Variants in RPLP0 observed in about 807,000 individuals in gnomAD.
RPLP0 encodes the protein large ribosomal subunit protein uL10.
For synonymous variants in RPLP0, 137 were observed against 153.4 expected, an observed-to-expected ratio of 0.89 and a Z score of 0.79; for missense variants, 276 against 402.9, an observed-to-expected ratio of 0.69 and a Z score of 2.70.
intron 7 of RPLP0, 175 bp from the exon 8 acceptor site, chr12:120,197,109 A>G: frequency 8.5e-7 from 1 of 1,171,680 alleles, no homozygotes; most frequent in Non-Finnish European, 1.2e-6. Flanking sequence ...CAGGGTTCCT[A>G]AGGCCCAGCT....
chr12:120,196,977 C>T (rs776026910), intron 7 of RPLP0, 43 bp from the exon 8 acceptor site: 24 of 1,608,752 alleles, frequency 1.5e-5, no homozygotes, highest in Non-Finnish European at 2.0e-5. Context: ...ATCCACACTC[C>T]TCTATTACCC....
At chr12:120,201,004 C>T (rs1161449138) in intron 1 of RPLP0, 79 bp downstream of exon 1, 4 of 678,376 alleles carry the variant, frequency 5.9e-6, no homozygotes, top group African/African-American at 1.9e-5. Context: ...AATAGGACTC[C>T]ATGTTCCCAA....
At chr12:120,197,041 G>A in intron 7 of RPLP0, 107 bp from the exon 8 acceptor site, 1 of 1,556,730 alleles carries the variant, frequency 6.4e-7, no homozygotes, top group Non-Finnish European at 8.7e-7. Context: ...AAGTCCGTGT[G>A]AAGCCTTTCC....
In RPLP0 at chr12:120,197,350, G is replaced by A. The variant is rs746342849; in HGVS notation, c.764C>T (p.Thr255Met). The change falls in exon 7 of 8, where the codon ACG becomes ATG. Residue 255 changes from threonine (T) to methionine (M), a missense_variant. Coordinates refer to ENST00000392514, the MANE Select transcript of RPLP0 (RefSeq NM_001002.4). The part of the protein sequence containing the change: ...YKRVLALSVE[T>M]DYTFPLAEKV... ...TTCAGCAAGTGGGAAGGTGTAATCC[G>A]TCTCCACAGACAAGGCCAGGACTCG... is the stretch of plus-strand genomic sequence containing the variant. 26 of 1,613,700 alleles carry A rather than the reference G, an allele frequency of 1.6e-5. No individual in the cohort carries two copies. The highest frequency in any genetic ancestry group is 1.6e-4 in the Middle Eastern group (1 of 6,072).
chr12:120,199,954 G>C, intron 2 of RPLP0: 1 of 447,304 alleles, frequency 2.2e-6, no homozygotes, highest in South Asian at 1.6e-5. Context: ...AACCTTCTAA[G>C]TGTGGGAAAA....
In RPLP0 at chr12:120,197,464, TG is replaced by T. The variant is rs775276427; in HGVS notation, c.652-3del. The T allele has an allele frequency of 1.2e-6, 2 of 1,613,748 alleles. No homozygotes were observed. Among genetic ancestry groups the T allele is most frequent in the Non-Finnish European group, 1.7e-6 (2 of 1,179,770 alleles). ...GACACTGGCAACATTGCGGACACCCTGGGGGAGGGAAGATTTCATTTTACGT... is the reference window on the plus strand; with the variant it reads ...GACACTGGCAACATTGCGGACACCCTGGGGAGGGAAGATTTCATTTTACGT... On this transcript the variant is annotated splice_polypyrimidine_tract_variant and splice_region_variant and intron_variant, in intron 6 of 7. Transcript: ENST00000392514.
At chr12:120,197,245 C>T in intron 7 of RPLP0, 77 bp downstream of exon 7, 1 of 1,315,986 alleles carries the variant, frequency 7.6e-7, no homozygotes, top group Non-Finnish European at 1.1e-6. Flanking sequence ...ACTATAAAAG[C>T]AGTAAGGTAG....
chr12:120,198,538 G>A lies in RPLP0; in HGVS notation c.651+16C>T. On this transcript the variant is annotated intron_variant, in intron 6 of 7. Coordinates refer to ENST00000392514, the MANE Select transcript of RPLP0 (RefSeq NM_001002.4). The surrounding 1 kb of genome is among the most constrained non-coding windows in gnomAD (Gnocchi z 4.1). ...CAACCATCAGTGTAAGAGGGGGCAA[G>A]GCTGACAGCATATACCTCCAGGAAG... 6.2e-7 allele frequency: 1 copy of A among 1,614,090 alleles called. No individual in the cohort carries two copies. Among genetic ancestry groups the A allele is most frequent in the Non-Finnish European group, 8.5e-7 (1 of 1,179,970 alleles).
At chr12:120,199,636 C>T in intron 2 of RPLP0, 151 bp from the exon 3 acceptor site, 2 of 708,014 alleles carry the variant, frequency 2.8e-6, no homozygotes, top group Non-Finnish European at 4.6e-6. Context: ...CGTTGTAACA[C>T]TGCCAAACTG....
chr12:120,199,500 C>T lies in RPLP0; in HGVS notation c.55-15G>A. On this transcript the variant is annotated splice_polypyrimidine_tract_variant and intron_variant, in intron 2 of 7. Transcript: ENST00000392514. ...TCCAATAGTTGCTACAAAAAACAAGCCAGAGGAGCCAAGTTTAACAGGAAG... is the reference window on the plus strand; with the variant it reads ...TCCAATAGTTGCTACAAAAAACAAGTCAGAGGAGCCAAGTTTAACAGGAAG... 1 of 1,610,386 alleles carries T rather than the reference C, an allele frequency of 6.2e-7. No homozygotes were observed. Among genetic ancestry groups the T allele is most frequent in the Non-Finnish European group, 8.5e-7 (1 of 1,178,296 alleles).
In RPLP0 at chr12:120,198,572, C is replaced by T. The variant is rs1304976241; in HGVS notation, c.633G>A (p.Leu211=). ...PEVLDITEET[L]HSRFLEGVRN... ...CATATACCTCCAGGAAGCGAGAATGCAGAGTTTCCTCTGTGATATCAAGCA... is the reference window on the plus strand; with the variant it reads ...CATATACCTCCAGGAAGCGAGAATGTAGAGTTTCCTCTGTGATATCAAGCA... Residue 211 remains leucine, a synonymous_variant, in exon 6 of 8, where the codon CTG becomes CTA. Coordinates refer to ENST00000392514, the MANE Select transcript of RPLP0 (RefSeq NM_001002.4). The surrounding 1 kb of genome is among the most constrained non-coding windows in gnomAD (Gnocchi z 4.1). The T allele has an allele frequency of 6.2e-7, 1 of 1,613,984 alleles. No homozygotes were observed. Among genetic ancestry groups the T allele is most frequent in the African/African-American group, 1.3e-5 (1 of 74,904 alleles).
rs528352633 is a variant in RPLP0 at position 120,198,006 on chromosome 12, G to C, written c.652-544C>G. Among the ~76,000 whole-genome samples the C allele has an allele frequency of 5.9e-5, 9 of 151,770 alleles. No individual in the cohort carries two copies. The South Asian group carries it at 1.9e-3, about 32-fold the overall frequency. On this transcript the variant is annotated intron_variant, in intron 6 of 7. Coordinates refer to ENST00000392514, the MANE Select transcript of RPLP0 (RefSeq NM_001002.4). The surrounding 1 kb of genome is among the most constrained non-coding windows in gnomAD (Gnocchi z 4.1). ...TGCAGTGGCACCATGTCAGCTCACCGCAACCTCCACCTCTTAAAAGGCTTT... is the reference window on the plus strand; with the variant it reads ...TGCAGTGGCACCATGTCAGCTCACCCCAACCTCCACCTCTTAAAAGGCTTT...
chr12:120,199,975 G>A (rs1594299907), intron 2 of RPLP0: 1 of 454,194 alleles, frequency 2.2e-6, no homozygotes, highest in Non-Finnish European at 4.4e-6. Flanking sequence ...TGTAATACAA[G>A]CTATGCTCTA....
Position 120,196,889 on chromosome 12 carries a change from G to C in RPLP0, c.838C>G (p.Pro280Ala), listed in dbSNP as rs760014664. The C allele has an allele frequency of 3.1e-6, 5 of 1,610,150 alleles. No individual in the cohort carries two copies. The highest frequency in any genetic ancestry group is 3.3e-5 in the Admixed American group (2 of 60,002). The change falls in exon 8 of 8, where the codon CCT becomes GCT. Residue 280 changes from proline to alanine, a missense_variant. Pro to Ala is a conservative substitution (Grantham distance 27). Transcript: ENST00000392514. ...ADPSAFVAAA[P>A]VAAATTAAPA... ...GCAGCTGTGGTGGCAGCAGCCACAG[G>C]GGCAGCAGCCACAAAGGCAGATGGA...
At chr12:120,201,047 G>A (rs1222731761) in intron 1 of RPLP0, 36 bp downstream of exon 1, 2 of 451,318 alleles carry the variant, frequency 4.4e-6, no homozygotes, top group African/African-American at 2.0e-5. Flanking sequence ...GCTTCCCGCC[G>A]GCGACCCCTG....
rs2136126686 is a variant in RPLP0, at chr12:120,198,979, C to G, written c.340G>C (p.Gly114Arg). ...GTGACTTCACATGGGGCAATGGCAC[C>G]AGCACGGGCAGCAGCTGGCACCTGA... ...ANKVPAAARAGAIAPCEVTVP... is the reference protein window; with the variant it reads ...ANKVPAAARARAIAPCEVTVP... Residue 114 changes from glycine (G) to arginine (R), a missense_variant, in exon 5 of 8, where the codon GGT (glycine) becomes CGT (arginine). Coordinates refer to ENST00000392514, the MANE Select transcript of RPLP0 (RefSeq NM_001002.4). The surrounding 1 kb of genome is among the most constrained non-coding windows in gnomAD (Gnocchi z 4.1). The G allele has an allele frequency of 6.2e-7, 1 of 1,614,094 alleles. No individual in the cohort carries two copies. Among genetic ancestry groups the G allele is most frequent in the Non-Finnish European group, 8.5e-7 (1 of 1,179,992 alleles).
chr12:120,199,851 G>A (rs916356638), intron 2 of RPLP0: 3 of 363,830 alleles, frequency 8.2e-6, no homozygotes, highest in South Asian at 2.1e-5. Flanking sequence ...AAAGCACCAC[G>A]TTAAGCAAAT....
At chr12:120,200,917 C>A (rs1027372479) in intron 1 of RPLP0, 86 bp from the exon 2 acceptor site, 3 of 1,424,540 alleles carry the variant, frequency 2.1e-6, no homozygotes, top group Admixed American at 2.7e-5. Flanking sequence ...CACGCGCAAT[C>A]GCCCGCCGGC....
chr12:120,199,383 C>A lies in RPLP0; in HGVS notation c.157G>T (p.Val53Leu). 1.2e-6 allele frequency: 2 copies of A among 1,614,208 alleles called. No homozygotes were observed. The highest frequency in any genetic ancestry group is 1.7e-6 in the Non-Finnish European group (2 of 1,180,044). The part of the protein sequence containing the change: ...IRMSLRGKAV[V>L]LMGKNTMMRK... ...ATCATGGTGTTCTTGCCCATCAGCA[C>A]CACAGCCTTCCCGCGAAGGGACATG... The change falls in exon 3 of 8, where the codon GTG (valine) becomes TTG (leucine). Residue 53 changes from valine (V) to leucine (L), a missense_variant. By Grantham distance (32) the Val-to-Leu change is conservative. Coordinates refer to ENST00000392514, the MANE Select transcript of RPLP0 (RefSeq NM_001002.4).
Sources: gnomAD v4.1 joint callset for allele counts (sites outside exome capture counted in the v4.1 genomes callset) on GRCh38, gnomAD v4.1.1 for gene constraint, Gnocchi (gnomAD v3.1) non-coding constraint, MANE v1.5 for transcripts, NCBI Gene and HGNC (gene_info 2026-07-23, HGNC 2026-07-21) for gene names.